CDIN1: variants seen among roughly 807,000 people sequenced by gnomAD.
CDIN1 encodes the protein CDAN1 interacting nuclease 1, also known as CDAN1-interacting nuclease 1.
A neutral mutation model predicts 45.3 loss-of-function variants in CDIN1; 33 were observed. The observed-to-expected ratio is 0.73, with a 90% CI of 0.55 to 0.97. CDIN1 has a LOEUF of 0.97. Ranked by LOEUF, CDIN1 falls within the 50% of genes least tolerant of loss-of-function variation. CDIN1 has a pLI of 0.00. For synonymous variants in CDIN1, 118 were observed against 124.4 expected (o/e 0.95, Z 0.34); for missense variants, 303 against 339.4 (o/e 0.89, Z 0.84).
intron 1 of CDIN1, chr15:36,617,787 A>C: frequency 2.5e-6 from 2 of 813,292 alleles, no homozygotes; most frequent in South Asian, 2.7e-5. Context: ...GAGTTTGCAC[A>C]CAGTAGCAGC....
intron 5 of CDIN1, among the ~76,000 whole-genome samples, chr15:36,665,428 G>C (rs1825137848): frequency 6.6e-6 from 1 of 152,134 alleles, no homozygotes; most frequent in South Asian, 2.1e-4. Context: ...ATTTTACTGA[G>C]CTTATAAATC....
At chr15:36,662,682 A>G (rs747370147) in intron 5 of CDIN1, among the ~76,000 whole-genome samples, 3 of 152,128 alleles carry the variant, frequency 2.0e-5, no homozygotes, top group African/African-American at 7.2e-5. Flanking sequence ...GTCAAGAGCT[A>G]TTTGAATCCT....
intron 1 of CDIN1, among the ~76,000 whole-genome samples, chr15:36,597,794 C>T (rs573073662): frequency 1.1e-3 from 160 of 152,260 alleles, no homozygotes; most frequent in African/African-American, 3.5e-3. Flanking sequence ...CATTGACTGT[C>T]AGTTCTCCTG....
At chr15:36,584,317 T>C (rs4924086) in intron 1 of CDIN1, among the ~76,000 whole-genome samples, 132,662 of 152,140 alleles carry the variant, frequency 0.87, 57,940 homozygotes, top group Middle Eastern at 0.96. Flanking sequence ...TGCTTGTAGT[T>C]CCAGCAACTC....
chr15:36,782,088 A>AT (rs1382253284), intron 10 of CDIN1, among the ~76,000 whole-genome samples: 3 of 152,154 alleles, frequency 2.0e-5, no homozygotes, highest in Non-Finnish European at 2.9e-5. Flanking sequence ...GGATCCTCGT[A>AT]TTTTTTCCAT....
At chr15:36,646,906 T>A (rs530986142) in intron 3 of CDIN1, among the ~76,000 whole-genome samples, 24 of 152,254 alleles carry the variant, frequency 1.6e-4, no homozygotes, top group Admixed American at 1.2e-3. Flanking sequence ...ATTTTTAGGA[T>A]CACTAGGTGC....
At chr15:36,774,913 GAAA>G (rs1177953051) in intron 10 of CDIN1, among the ~76,000 whole-genome samples, 11 of 151,906 alleles carry the variant, frequency 7.2e-5, no homozygotes, top group Non-Finnish European at 1.5e-4. Flanking sequence ...TAGAAAGCAA[GAAA>G]AAAAATCAAT....
intron 1 of CDIN1, among the ~76,000 whole-genome samples, chr15:36,643,557 G>T (rs1230302761): frequency 6.6e-6 from 1 of 152,200 alleles, no homozygotes; most frequent in Non-Finnish European, 1.5e-5. Context: ...TTTAGAGAAA[G>T]AAAAATTCCA....
rs116663193 is a variant in CDIN1, at chr15:36,592,605, T to A, written c.101+12644T>A. On this transcript the variant is annotated intron_variant, in intron 1 of 10. Coordinates refer to ENST00000566621, the MANE Select transcript of CDIN1 (RefSeq NM_001321759.2). Reference sequence around the variant, plus strand: ...TAAGATTTTTGTCATTGTTGGGTTGTTGGGCTTTCTCCTTATGTTTCCCTT... The same window carrying A: ...TAAGATTTTTGTCATTGTTGGGTTGATGGGCTTTCTCCTTATGTTTCCCTT... Among the ~76,000 whole-genome samples the A allele has an allele frequency of 7.0e-3, 1,068 of 152,338 alleles. 22 individuals are homozygous for A. The highest frequency in any genetic ancestry group is 0.024 in the African/African-American group (999 of 41,578).
intron 3 of CDIN1, among the ~76,000 whole-genome samples, chr15:36,652,669 G>T (rs901569473): frequency 6.6e-6 from 1 of 152,090 alleles, no homozygotes; most frequent in African/African-American, 2.4e-5. Context: ...ATTCAAGGGT[G>T]GCCCCAATAT....
chr15:36,690,163 C>G lies in CDIN1; in HGVS notation c.347-1522C>G, dbSNP rs180753882. On this transcript the variant is annotated intron_variant, in intron 5 of 10. Transcript: ENST00000566621. ...ATGTAGTTATATGACTAACAGTGGG[C>G]AGTAATTAAAATAATCATGCTTCAT... Among the ~76,000 whole-genome samples the G allele has an allele frequency of 3.9e-5, 6 of 152,216 alleles. No individual in the cohort carries two copies. The South Asian group carries it at 1.2e-3, about 32-fold the overall frequency.
At chr15:36,712,821 A>G (rs2043101996) in intron 10 of CDIN1, among the ~76,000 whole-genome samples, 1 of 152,148 alleles carries the variant, frequency 6.6e-6, no homozygotes, top group African/African-American at 2.4e-5. Flanking sequence ...TGGTTAAACA[A>G]CTACTCAAAA....
chr15:36,727,424 CCTCATAATAAA>C (rs1276720906), intron 10 of CDIN1, among the ~76,000 whole-genome samples: 1 of 151,718 alleles, frequency 6.6e-6, no homozygotes, highest in Non-Finnish European at 1.5e-5. Context: ...AAGATGGCAG[CCTCATAATAAA>C]CTCTTTTCAG....
intron 10 of CDIN1, among the ~76,000 whole-genome samples, chr15:36,752,865 C>T (rs992073371): frequency 6.6e-6 from 1 of 152,082 alleles, no homozygotes; most frequent in Non-Finnish European, 1.5e-5. Context: ...AAAAAAGTCC[C>T]TGTAACTTGT....
At chr15:36,699,785 G>T (rs1033783048) in intron 8 of CDIN1, among the ~76,000 whole-genome samples, 5 of 152,098 alleles carry the variant, frequency 3.3e-5, no homozygotes, top group African/African-American at 1.2e-4. Context: ...CTGAGCAGTT[G>T]TTATGGCACA....
intron 8 of CDIN1, among the ~76,000 whole-genome samples, chr15:36,702,704 C>T (rs564522784): frequency 1.3e-5 from 2 of 152,214 alleles, no homozygotes; most frequent in Non-Finnish European, 2.9e-5. Context: ...AGATTTGCTT[C>T]TGCTGTGTCT....
chr15:36,734,250 G>T, intron 10 of CDIN1: 1 of 248,804 alleles, frequency 4.0e-6, no homozygotes, highest in Non-Finnish European at 8.3e-6. Context: ...AGTTTAAAAT[G>T]ATCAGAAATA....
rs2039435265 is a variant in CDIN1 at position 36,626,556 on chromosome 15, T to TTTGC, written c.102-17722_102-17721insTTGC. On this transcript the variant is annotated intron_variant, in intron 1 of 10. Transcript: ENST00000566621. ...AAACATATGCAAATATATTCCTCAT[T>TTTGC]AGCCATCCTGTTTTGGCGACTAATA... 4 of 234,288 alleles carry TTTGC rather than the reference T, an allele frequency of 1.7e-5. No homozygotes were observed. In the Admixed American group the frequency reaches 2.3e-4, roughly 13 times the overall value. 14.5% of individuals were successfully genotyped at this position (234,288 alleles called of 1,614,324 possible).
chr15:36,584,474 G>A (rs2037198015), intron 1 of CDIN1, among the ~76,000 whole-genome samples: 1 of 152,216 alleles, frequency 6.6e-6, no homozygotes, highest in African/African-American at 2.4e-5. Flanking sequence ...AACAAATGTG[G>A]TGAGCTTGCT....
Sources: gnomAD v4.1 joint callset for allele counts (sites outside exome capture counted in the v4.1 genomes callset) on GRCh38, gnomAD v4.1.1 for gene constraint, MANE v1.5 for transcripts, NCBI Gene and HGNC (gene_info 2026-07-23, HGNC 2026-07-21) for gene names.